C12orf42: variants seen among roughly 807,000 people sequenced by gnomAD.
C12orf42 encodes uncharacterized protein C12orf42.
Under a neutral mutation model 21.6 loss-of-function variants are expected in C12orf42, and 25 were observed. The ratio of observed to expected loss-of-function variants is 1.16; its 90% CI spans 0.84 to 1.62. The LOEUF (loss-of-function observed/expected upper bound fraction) is 1.62, where lower values mean the gene tolerates loss of function less well. C12orf42 is among the 40% of genes most tolerant of loss of function. C12orf42 has a pLI of 0.00. For synonymous variants in C12orf42, 174 were observed against 175.0 expected, an observed-to-expected ratio of 0.99 and a Z score of 0.05; for missense variants, 483 against 459.3, an observed-to-expected ratio of 1.05 and a Z score of -0.47.
chr12:103,408,802 G>C (rs1179487046), intron 2 of C12orf42, among the ~76,000 whole-genome samples: 1 of 152,136 alleles, frequency 6.6e-6, no homozygotes, highest in Admixed American at 6.5e-5. Context: ...TGTTTTAACT[G>C]TCTCCTAGGT....
the C12orf42 span, among the ~76,000 whole-genome samples, chr12:103,072,607 A>ACC: frequency 3.3e-5 from 5 of 151,764 alleles, no homozygotes; most frequent in Non-Finnish European, 7.4e-5. Context: ...AAGTGCCCCC[A>ACC]CCCCCGGTAC....
At chr12:103,413,719 A>G (rs1316217809) in intron 2 of C12orf42, among the ~76,000 whole-genome samples, 2 of 152,124 alleles carry the variant, frequency 1.3e-5, no homozygotes, top group Non-Finnish European at 2.9e-5. Context: ...CTTATAAATG[A>G]GAACATGGGA....
At chr12:103,176,265 G>A in the C12orf42 span, among the ~76,000 whole-genome samples, 37 of 152,224 alleles carry the variant, frequency 2.4e-4, no homozygotes, top group East Asian at 7.0e-3. Context: ...GTATAAAAAT[G>A]TCTGAATACA....
chr12:103,557,099 C>T, the C12orf42 span, among the ~76,000 whole-genome samples: 4 of 152,272 alleles, frequency 2.6e-5, no homozygotes, highest in African/African-American at 7.2e-5. Context: ...TCTGTTCCAA[C>T]AGTCCTAGGA....
chr12:103,142,441 G>T, the C12orf42 span, among the ~76,000 whole-genome samples: 1 of 152,164 alleles, frequency 6.6e-6, no homozygotes, highest in Non-Finnish European at 1.5e-5. Context: ...AATGGTTTTG[G>T]AATGTTTTAC....
At chr12:103,367,532 T>C (rs1188438110) in intron 4 of C12orf42, among the ~76,000 whole-genome samples, 6 of 151,792 alleles carry the variant, frequency 4.0e-5, no homozygotes, top group African/African-American at 9.7e-5. Flanking sequence ...AGCTCCAAGA[T>C]ACAGTGATAA....
chr12:103,484,863 G>GTTTTTTTTTTTTTTTTTTTTT (rs56025837), intron 1 of C12orf42, among the ~76,000 whole-genome samples: 1 of 71,678 alleles, frequency 1.4e-5, no homozygotes, highest in African/African-American at 5.0e-5. Flanking sequence ...TCTGGTTTCA[G>GTTTTTTTTTTTTTTTTTTTTT]TTTTTTTTTT....
the C12orf42 span, among the ~76,000 whole-genome samples, chr12:103,520,700 A>G: frequency 1.6e-3 from 250 of 152,366 alleles, 10 homozygotes; most frequent in South Asian, 0.051. Flanking sequence ...AATGAAAAAA[A>G]AAATAAAACT....
At chr12:103,531,351 T>C in the C12orf42 span, among the ~76,000 whole-genome samples, 1 of 152,182 alleles carries the variant, frequency 6.6e-6, no homozygotes, top group Non-Finnish European at 1.5e-5. Flanking sequence ...GGTCCTAAAA[T>C]TGTGCATGTG....
the C12orf42 span, among the ~76,000 whole-genome samples, chr12:103,517,018 C>G: frequency 6.6e-6 from 1 of 152,144 alleles, no homozygotes; most frequent in East Asian, 1.9e-4. Context: ...TCAAACAAGG[C>G]TGCTTAAACT....
chr12:103,227,787 A>T, the C12orf42 span, among the ~76,000 whole-genome samples: 3 of 152,256 alleles, frequency 2.0e-5, no homozygotes, highest in South Asian at 4.1e-4. Context: ...TTCCCAGTCC[A>T]TGACCGGCGC....
chr12:103,300,286 G>A (rs2037562576), downstream of C12orf42, among the ~76,000 whole-genome samples: 1 of 152,070 alleles, frequency 6.6e-6, no homozygotes, highest in Non-Finnish European at 1.5e-5. Flanking sequence ...TTTATTATGG[G>A]ATTTCTCAGG....
the C12orf42 span, among the ~76,000 whole-genome samples, chr12:103,541,807 T>C: frequency 6.6e-6 from 1 of 152,098 alleles, no homozygotes; most frequent in African/African-American, 2.4e-5. Flanking sequence ...AAAGCCATGG[T>C]TTATGTTGCT....
At chr12:103,328,156 G>A (rs765880200) in intron 4 of C12orf42, among the ~76,000 whole-genome samples, 1 of 152,030 alleles carries the variant, frequency 6.6e-6, no homozygotes, top group Non-Finnish European at 1.5e-5. Context: ...ATCTCATCAA[G>A]GGAAAAATAT....
chr12:103,296,561 G>A (rs1775312798), intron 4 of C12orf42, among the ~76,000 whole-genome samples: 1 of 152,146 alleles, frequency 6.6e-6, no homozygotes, highest in African/African-American at 2.4e-5. Flanking sequence ...ATTCTAACTG[G>A]TGTGAGATGG....
Position 103,376,210 on chromosome 12 carries a change from G to A in C12orf42, c.148-7212C>T, listed in dbSNP as rs190436150. ...AGAAAATGTGGCACATATATACTAC[G>A]GAATAATATGCAGACAAAAAATAAT... is the stretch of plus-strand genomic sequence containing the variant. On this transcript the variant is annotated intron_variant, in intron 3 of 5. Transcript: ENST00000548883. 2.2e-3 allele frequency among the ~76,000 whole-genome samples: 341 copies of A among 152,208 alleles called. 1 individual carries two copies. The highest frequency in any genetic ancestry group is 8.0e-3 in the African/African-American group (332 of 41,538).
At position 103,241,507 on chromosome 12, in the gene C12orf42, A is replaced by G. The variant is rs998942789; in HGVS notation, c.*1367-3605T>C. 2.0e-5 allele frequency among the ~76,000 whole-genome samples: 3 copies of G among 152,212 alleles called. No homozygotes were observed. In the South Asian group the frequency reaches 6.2e-4, roughly 32 times the overall value. The stretch of plus-strand genomic sequence containing the variant: ...ATTTACCTTATAAAAGTGGAGGAGT[A>G]GAAACAGCACTGCAACATGAGTTAG... On this transcript the variant is annotated intron_variant and NMD_transcript_variant, in intron 10 of 10. Coordinates refer to the C12orf42 transcript ENST00000547347.
At chr12:103,051,923 T>C in the C12orf42 span, among the ~76,000 whole-genome samples, 1 of 152,232 alleles carries the variant, frequency 6.6e-6, no homozygotes, top group Non-Finnish European at 1.5e-5. Context: ...GGTTCTAATT[T>C]TGCCTATTTC....
At chr12:103,364,939 C>T (rs766703214) in intron 4 of C12orf42, among the ~76,000 whole-genome samples, 46 of 151,938 alleles carry the variant, frequency 3.0e-4, no homozygotes, top group Non-Finnish European at 4.9e-4. Flanking sequence ...GACAGTATTC[C>T]ACAAGATACA....
Sources: allele counts gnomAD v4.1 joint callset (sites outside exome capture counted in the v4.1 genomes callset), GRCh38; gene constraint gnomAD v4.1.1; transcripts MANE v1.5; gene names NCBI Gene and HGNC (gene_info 2026-07-23, HGNC 2026-07-21).